The following DLC1 variants were observed in gnomAD, a reference collection of about 807,000 sequenced individuals.
DLC1 encodes the protein DLC1 Rho GTPase activating protein, also known as rho GTPase-activating protein 7.
DLC1 carries 54 observed loss-of-function variants against 140.3 expected under a neutral mutation model. That is an observed-to-expected ratio of 0.38 (90% CI 0.31 to 0.48). The LOEUF (loss-of-function observed/expected upper bound fraction) is 0.48. Ranked by LOEUF, DLC1 falls within the 20% of genes least tolerant of loss-of-function variation. DLC1 has a pLI of 0.96. For synonymous variants in DLC1, 986 were observed against 728.1 expected, an observed-to-expected ratio of 1.35 and a Z score of -5.70; for missense variants, 2,536 against 1,907.0, an observed-to-expected ratio of 1.33 and a Z score of -6.14.
chr8:13,559,781 C>G (rs1056627329), intron 1 of DLC1, among the ~76,000 whole-genome samples: 7 of 152,130 alleles, frequency 4.6e-5, no homozygotes, highest in African/African-American at 1.7e-4. Flanking sequence ...ATTAATGGCA[C>G]ATTTCTGTGT....
At chr8:13,592,419 T>A (rs1805545156) in intron 1 of DLC1, among the ~76,000 whole-genome samples, 1 of 152,122 alleles carries the variant, frequency 6.6e-6, no homozygotes, top group Non-Finnish European at 1.5e-5. Context: ...TCTCCCATTT[T>A]TTGTAGCAAA....
chr8:13,162,408 C>T (rs748410127), intron 5 of DLC1, among the ~76,000 whole-genome samples: 4 of 152,128 alleles, frequency 2.6e-5, no homozygotes, highest in Non-Finnish European at 4.4e-5. Context: ...CTGCGTCCTC[C>T]GCCTCCCAGG....
intron 5 of DLC1, among the ~76,000 whole-genome samples, chr8:13,282,509 A>G (rs1189057851): frequency 6.6e-6 from 1 of 152,242 alleles, no homozygotes; most frequent in Non-Finnish European, 1.5e-5. Flanking sequence ...TAAAAAATCT[A>G]TAACTTATAT....
intron 2 of DLC1, among the ~76,000 whole-genome samples, chr8:13,417,995 G>C (rs1838151893): frequency 1.3e-5 from 2 of 152,184 alleles, no homozygotes; most frequent in African/African-American, 4.8e-5. Flanking sequence ...TGTGTCTTTT[G>C]GCTGCATAAA....
chr8:13,145,244 T>A (rs1823329619), intron 5 of DLC1, among the ~76,000 whole-genome samples: 1 of 151,626 alleles, frequency 6.6e-6, no homozygotes, highest in Non-Finnish European at 1.5e-5. Context: ...GTCTAAAAAC[T>A]AAGCACCCAG....
chr8:13,412,098 G>A lies in DLC1; in HGVS notation c.1024-10479C>T, dbSNP rs964832969. 6.6e-5 allele frequency among the ~76,000 whole-genome samples: 10 copies of A among 152,168 alleles called. No homozygotes were observed. In the East Asian group the frequency reaches 9.6e-4, roughly 15 times the overall value. On this transcript the variant is annotated intron_variant, in intron 2 of 17. Coordinates refer to ENST00000276297, the MANE Select transcript of DLC1 (RefSeq NM_182643.3). ...GAGAAAATATTTAGATCATATGTAC[G>A]ACAATGAATGAAGCAGTTATAAAAA...
intron 7 of DLC1, among the ~76,000 whole-genome samples, chr8:13,108,456 C>T (rs1819780326): frequency 1.3e-5 from 2 of 152,188 alleles, no homozygotes; most frequent in South Asian, 4.1e-4. Context: ...TCTAGCAGCA[C>T]AGACTTATTC....
At chr8:13,567,585 G>C (rs899546441) in intron 1 of DLC1, 3 of 1,551,752 alleles carry the variant, frequency 1.9e-6, no homozygotes, top group South Asian at 1.2e-5. Context: ...TATCTTATCA[G>C]TGTCCCTATT....
chr8:13,257,377 C>A (rs57705333), intron 5 of DLC1, among the ~76,000 whole-genome samples: 2,706 of 144,486 alleles, frequency 0.019, 74 homozygotes, highest in African/African-American at 0.066. Context: ...TTCAAGACTA[C>A]AGTGAGCCAT....
intron 5 of DLC1, among the ~76,000 whole-genome samples, chr8:13,195,222 C>T (rs1341307719): frequency 6.6e-6 from 1 of 152,184 alleles, no homozygotes; most frequent in Non-Finnish European, 1.5e-5. Context: ...AATTTATCAC[C>T]AATTAGCCCT....
Position 13,471,758 on chromosome 8 carries a change from G to GA in DLC1, c.1023+27290dup, listed in dbSNP as rs140729328. On this transcript the variant is annotated intron_variant, in intron 2 of 17. Coordinates refer to ENST00000276297, the MANE Select transcript of DLC1 (RefSeq NM_182643.3). ...GGAGGAAAGGAGAAAGAGAGAAAGAGAAAAAAAGAAAAGCAGCCTTTCAGC... is the reference window on the plus strand; with the variant it reads ...GGAGGAAAGGAGAAAGAGAGAAAGAGAAAAAAAAGAAAAGCAGCCTTTCAGC... Among the ~76,000 whole-genome samples the GA allele has an allele frequency of 3.9e-3, 586 of 152,056 alleles. 12 individuals are homozygous for GA. The East Asian group carries it at 0.048, about 12-fold the overall frequency.
At chr8:13,424,146 A>G (rs1390563763) in intron 2 of DLC1, among the ~76,000 whole-genome samples, 2 of 152,192 alleles carry the variant, frequency 1.3e-5, no homozygotes, top group Non-Finnish European at 2.9e-5. Flanking sequence ...AACTTTGGAA[A>G]TTAAAGCAAA....
chr8:13,506,315 G>A (rs1802063056), intron 1 of DLC1, among the ~76,000 whole-genome samples: 1 of 151,132 alleles, frequency 6.6e-6, no homozygotes, highest in Admixed American at 6.6e-5. Flanking sequence ...ATAAATAAAT[G>A]AACACATGAT....
At chr8:13,405,426 T>G (rs978820872) in intron 2 of DLC1, among the ~76,000 whole-genome samples, 1 of 152,242 alleles carries the variant, frequency 6.6e-6, no homozygotes, top group Non-Finnish European at 1.5e-5. Flanking sequence ...GTTACTGATA[T>G]GTCATTTGGA....
chr8:13,421,789 A>C (rs967889040), intron 2 of DLC1, among the ~76,000 whole-genome samples: 1 of 152,226 alleles, frequency 6.6e-6, no homozygotes, highest in African/African-American at 2.4e-5. Context: ...GAAACCAAAC[A>C]ATGGCTTCTT....
intron 4 of DLC1, among the ~76,000 whole-genome samples, chr8:13,329,636 C>T (rs985793690): frequency 1.3e-5 from 2 of 152,132 alleles, no homozygotes; most frequent in African/African-American, 4.8e-5. Flanking sequence ...CTCATCTGTT[C>T]TATGATTAGG....
intron 5 of DLC1, among the ~76,000 whole-genome samples, chr8:13,268,210 A>C (rs943051593): frequency 5.9e-5 from 9 of 152,160 alleles, no homozygotes; most frequent in Admixed American, 3.3e-4. Context: ...ATGTCATTTT[A>C]AAAAATATGA....
intron 5 of DLC1, among the ~76,000 whole-genome samples, chr8:13,290,053 T>C (rs1004430405): frequency 6.6e-6 from 1 of 152,196 alleles, no homozygotes; most frequent in Admixed American, 6.5e-5. Flanking sequence ...GTGTCTTCAA[T>C]AGTTTTATGA....
intron 1 of DLC1, chr8:13,567,268 C>T (rs1804476037): frequency 2.6e-6 from 4 of 1,551,702 alleles, no homozygotes; most frequent in Non-Finnish European, 3.5e-6. Flanking sequence ...CTACCTCAAG[C>T]TCAAAGACTC....
Sources: allele counts gnomAD v4.1 joint callset (sites outside exome capture counted in the v4.1 genomes callset), GRCh38; gene constraint gnomAD v4.1.1; transcripts MANE v1.5; gene names NCBI Gene and HGNC (gene_info 2026-07-23, HGNC 2026-07-21).